The following ACTR3C variants were observed in gnomAD, a reference collection of about 807,000 sequenced individuals.
ACTR3C encodes actin-related protein 3C.
A neutral mutation model predicts 26.3 loss-of-function variants in ACTR3C; 18 were observed. The ratio of observed to expected loss-of-function variants is 0.68; its 90% CI spans 0.47 to 1.01. The LOEUF (loss-of-function observed/expected upper bound fraction) is 1.01. Ranked by LOEUF, ACTR3C falls within the 50% of genes least tolerant of loss-of-function variation. The pLI, the probability that ACTR3C is intolerant of heterozygous loss-of-function variation, is 0.00. For missense variants in ACTR3C, 184 were observed against 250.7 expected, an observed-to-expected ratio of 0.73 and a Z score of 1.80; for synonymous variants, 55 against 94.5, an observed-to-expected ratio of 0.58 and a Z score of 2.42.
At chr7:149,929,168 C>G in the ACTR3C span, among the ~76,000 whole-genome samples, 1 of 152,188 alleles carries the variant, frequency 6.6e-6, no homozygotes, top group Admixed American at 6.5e-5. Context: ...TGGCTCACGC[C>G]TGTAATCACA....
At chr7:150,163,488 A>G in the ACTR3C span, among the ~76,000 whole-genome samples, 1 of 151,550 alleles carries the variant, frequency 6.6e-6, no homozygotes, top group African/African-American at 2.4e-5. Flanking sequence ...AAGTTTATAT[A>G]TAATTTATAT....
At chr7:150,041,572 G>A in the ACTR3C span, 1 of 157,754 alleles carries the variant, frequency 6.3e-6, no homozygotes, top group African/African-American at 2.7e-5. Context: ...CTCTGCGATG[G>A]GGGTCCTAAG....
chr7:149,885,387 C>A, the ACTR3C span, among the ~76,000 whole-genome samples: 1 of 152,224 alleles, frequency 6.6e-6, no homozygotes, highest in African/African-American at 2.4e-5. Flanking sequence ...CAGGGACTTC[C>A]AGGTATCAGA....
At chr7:149,965,742 G>C in the ACTR3C span, among the ~76,000 whole-genome samples, 3 of 152,056 alleles carry the variant, frequency 2.0e-5, no homozygotes, top group Admixed American at 1.3e-4. Context: ...GCTTAAAATA[G>C]CTTCTAAATC....
chr7:149,914,723 A>T, the ACTR3C span, among the ~76,000 whole-genome samples: 1 of 152,034 alleles, frequency 6.6e-6, no homozygotes, highest in Non-Finnish European at 1.5e-5. Context: ...ATAAAATGAA[A>T]CACTAGAAGA....
chr7:150,056,600 G>A, the ACTR3C span, among the ~76,000 whole-genome samples: 1 of 152,102 alleles, frequency 6.6e-6, no homozygotes, highest in Non-Finnish European at 1.5e-5. Context: ...CGAGTCACAT[G>A]AGCCTGCAAT....
At chr7:150,253,010 G>A (rs1437051873) in intron 6 of ACTR3C, among the ~76,000 whole-genome samples, 6 of 151,512 alleles carry the variant, frequency 4.0e-5, no homozygotes, top group Non-Finnish European at 7.3e-5. Flanking sequence ...GCAGGTTGTG[G>A]ATGAGAGAGC....
downstream of ACTR3C, among the ~76,000 whole-genome samples, chr7:150,243,587 C>T (rs909810486): frequency 2.6e-5 from 4 of 152,060 alleles, no homozygotes; most frequent in African/African-American, 9.7e-5. Flanking sequence ...CGGGACCCTC[C>T]TGCAGATACC....
the ACTR3C span, among the ~76,000 whole-genome samples, chr7:150,087,283 C>T: frequency 6.6e-6 from 1 of 151,662 alleles, no homozygotes; most frequent in South Asian, 2.1e-4. Context: ...GGCTTCTCCC[C>T]ATAAAAATTT....
chr7:150,252,152 G>A (rs1832900500), intron 6 of ACTR3C, among the ~76,000 whole-genome samples: 1 of 151,884 alleles, frequency 6.6e-6, no homozygotes, highest in Non-Finnish European at 1.5e-5. Flanking sequence ...GTGTGCATGT[G>A]TGTGTGTGTG....
At chr7:150,090,626 C>T in the ACTR3C span, among the ~76,000 whole-genome samples, 5 of 150,092 alleles carry the variant, frequency 3.3e-5, no homozygotes. Flanking sequence ...CCTCTTCCAC[C>T]GACTCCCTCC....
the ACTR3C span, among the ~76,000 whole-genome samples, chr7:150,165,163 G>A: frequency 1.3e-5 from 2 of 152,268 alleles, no homozygotes; most frequent in Non-Finnish European, 2.9e-5. Context: ...CAACATCTCG[G>A]TATTGCCACC....
chr7:150,109,125 G>A, the ACTR3C span, among the ~76,000 whole-genome samples: 2 of 152,112 alleles, frequency 1.3e-5, no homozygotes, highest in South Asian at 4.1e-4. Flanking sequence ...GCACATGAGT[G>A]TAACCAGGGG....
the ACTR3C span, among the ~76,000 whole-genome samples, chr7:150,040,223 G>T: frequency 0.039 from 5,665 of 147,068 alleles, 502 homozygotes; most frequent in African/African-American, 0.12. Flanking sequence ...TCTAATAGGG[G>T]GGCCATCCTT....
the ACTR3C span, among the ~76,000 whole-genome samples, chr7:150,178,138 G>A: frequency 2.0e-5 from 3 of 150,530 alleles, no homozygotes; most frequent in East Asian, 5.8e-4. Context: ...AAGCCAGCAA[G>A]AGCATTAGTG....
the ACTR3C span, among the ~76,000 whole-genome samples, chr7:149,983,449 G>GTGTGTGTATATATATA: frequency 3.4e-4 from 8 of 23,314 alleles, no homozygotes; most frequent in Non-Finnish European, 5.6e-4. Flanking sequence ...GTGTGTGTGT[G>GTGTGTGTATATATATA]TATATATATA....
At chr7:150,130,203 T>C in the ACTR3C span, among the ~76,000 whole-genome samples, 1 of 152,216 alleles carries the variant, frequency 6.6e-6, no homozygotes, top group Non-Finnish European at 1.5e-5. Flanking sequence ...AATGTGCAAA[T>C]TAAAACTATA....
chr7:149,983,684 T>C, the ACTR3C span, among the ~76,000 whole-genome samples: 19,504 of 150,772 alleles, frequency 0.13, 2,395 homozygotes, highest in African/African-American at 0.31. Context: ...TCCATGTTCA[T>C]TGCAGCATTA....
At chr7:150,169,184 A>G in the ACTR3C span, among the ~76,000 whole-genome samples, 1 of 150,158 alleles carries the variant, frequency 6.7e-6, no homozygotes, top group Non-Finnish European at 1.5e-5. Context: ...GATCAAGACC[A>G]TCCTGGCTAA....
Sources: allele counts gnomAD v4.1 joint callset (sites outside exome capture counted in the v4.1 genomes callset), GRCh38; gene constraint gnomAD v4.1.1; transcripts MANE v1.5; gene names NCBI Gene and HGNC (gene_info 2026-07-23, HGNC 2026-07-21).